The following GRAMD2B variants were observed in gnomAD, a reference collection of about 807,000 sequenced individuals.
GRAMD2B encodes the protein GRAM domain-containing protein 2B.
GRAMD2B carries 41 observed loss-of-function variants against 59.2 expected under a neutral mutation model. The observed-to-expected ratio is 0.69, with a 90% CI of 0.54 to 0.90. GRAMD2B has a LOEUF of 0.90. Among genes scored for constraint, GRAMD2B ranks in the 40% least tolerant of loss-of-function variants. GRAMD2B has a pLI of 0.00. For synonymous variants in GRAMD2B, 161 were observed against 182.7 expected (o/e 0.88, Z 0.96); for missense variants, 424 against 500.5 (o/e 0.85, Z 1.46).
chr5:126,367,842 T>G (rs1265691029), upstream of GRAMD2B, among the ~76,000 whole-genome samples: 2 of 152,134 alleles, frequency 1.3e-5, no homozygotes, highest in Non-Finnish European at 2.9e-5. Context: ...AGCTCCACCT[T>G]CCCGGTTCAC....
intron 5 of GRAMD2B, 43 bp from the exon 6 acceptor site, chr5:126,477,649 C>A: frequency 9.8e-7 from 1 of 1,024,350 alleles, no homozygotes; most frequent in South Asian, 1.3e-5. Flanking sequence ...AAGTGCTGTT[C>A]TGTCAAGTCT....
chr5:126,464,582 C>T (rs1461294268), intron 1 of GRAMD2B, among the ~76,000 whole-genome samples: 2 of 152,188 alleles, frequency 1.3e-5, no homozygotes, highest in African/African-American at 4.8e-5. Flanking sequence ...ACCTTCCCCT[C>T]TACTCCCTTC....
intron 1 of GRAMD2B, chr5:126,433,935 G>C (rs1419973309): frequency 1.3e-5 from 2 of 152,172 alleles, no homozygotes; most frequent in African/African-American, 4.8e-5. Context: ...GCCAATTCTT[G>C]GAATAGTCAT....
chr5:126,455,811 A>G (rs1012544800), intron 1 of GRAMD2B, among the ~76,000 whole-genome samples: 3 of 152,258 alleles, frequency 2.0e-5, no homozygotes, highest in African/African-American at 7.2e-5. Context: ...CCCATACACA[A>G]GGGTGTCATG....
At chr5:126,467,032 G>A (rs1319092683) in intron 2 of GRAMD2B, among the ~76,000 whole-genome samples, 1 of 152,154 alleles carries the variant, frequency 6.6e-6, no homozygotes, top group South Asian at 2.1e-4. Context: ...GCTCACACCT[G>A]TAATCCTAGC....
intron 1 of GRAMD2B, among the ~76,000 whole-genome samples, chr5:126,440,812 GA>G: frequency 6.6e-6 from 1 of 152,092 alleles, no homozygotes; most frequent in Admixed American, 6.5e-5. Flanking sequence ...TTAGATTAAT[GA>G]ACTACACATT....
chr5:126,370,471 A>AAGAGTAG (rs1194707159), upstream of GRAMD2B, among the ~76,000 whole-genome samples: 1 of 152,220 alleles, frequency 6.6e-6, no homozygotes, highest in Non-Finnish European at 1.5e-5. Context: ...CTACTGTGGA[A>AAGAGTAG]CAAATCTTTC....
chr5:126,422,106 C>G (rs1399165250), upstream of GRAMD2B, among the ~76,000 whole-genome samples: 1 of 152,132 alleles, frequency 6.6e-6, no homozygotes, highest in African/African-American at 2.4e-5. Context: ...AATGTTTATA[C>G]AAGCTTGCCC....
chr5:126,407,006 T>A (rs772556454), intron 1 of GRAMD2B, among the ~76,000 whole-genome samples: 2 of 152,076 alleles, frequency 1.3e-5, no homozygotes, highest in Non-Finnish European at 2.9e-5. Context: ...GAAATGCTTC[T>A]GATTTGACAT....
chr5:126,425,128 A>G (rs939968638), intron 1 of GRAMD2B, among the ~76,000 whole-genome samples: 1 of 152,208 alleles, frequency 6.6e-6, no homozygotes, highest in Non-Finnish European at 1.5e-5. Flanking sequence ...TTATAGCCAA[A>G]CAATCATACT....
Position 126,388,262 on chromosome 5 carries a change from G to T in GRAMD2B, c.125+16695G>T, listed in dbSNP as rs181163264. Among the ~76,000 whole-genome samples, 736 of 152,132 alleles carry T rather than the reference G, an allele frequency of 4.8e-3. 1 individual carries two copies. The highest frequency in any genetic ancestry group is 7.2e-3 in the Non-Finnish European group (489 of 67,976). On this transcript the variant is annotated intron_variant, in intron 1 of 8. Transcript: ENST00000506445. ...GTGGCTCCTGCCTGTGGTCCCAGCT[G>T]CTTAGGGAGTTGAGGCAGGAGTATC...
rs1340215598 is a variant in GRAMD2B at position 126,360,519 on chromosome 5, T to C, written c.128+60T>C. On this transcript the variant is annotated intron_variant, in intron 1 of 13. Coordinates refer to the GRAMD2B transcript ENST00000513040. ...TGGGAGTGGAGTGTGGCTTCTGTGG[T>C]TTAAAAGGCCTTTTTGGTATCTTAA... is the stretch of plus-strand genomic sequence containing the variant. 2.0e-6 allele frequency: 3 copies of C among 1,502,110 alleles called. No homozygotes were observed. The South Asian group carries it at 3.8e-5, about 19-fold the overall frequency. The allele number at this position is 1,502,110 out of a possible 1,614,324, so 93.0% of individuals were successfully genotyped here.
intron 1 of GRAMD2B, among the ~76,000 whole-genome samples, chr5:126,400,189 G>T (rs535263745): frequency 3.0e-4 from 46 of 151,870 alleles, no homozygotes; most frequent in African/African-American, 1.1e-3. Context: ...TCATGCAAAT[G>T]ATAACCAAAA....
At chr5:126,396,645 G>C (rs1440165609) in intron 1 of GRAMD2B, among the ~76,000 whole-genome samples, 1 of 152,176 alleles carries the variant, frequency 6.6e-6, no homozygotes, top group African/African-American at 2.4e-5. Context: ...ACATACATGT[G>C]CATGTATCTT....
chr5:126,366,133 T>C (rs1754426917), intron 1 of GRAMD2B, among the ~76,000 whole-genome samples: 1 of 152,134 alleles, frequency 6.6e-6, no homozygotes, highest in South Asian at 2.1e-4. Context: ...TCTCAAAGGG[T>C]TCACAACTTT....
At chr5:126,371,426 G>A (rs940659099) in exon 1 of GRAMD2B, 62 of 1,276,338 alleles carry the variant, frequency 4.9e-5, no homozygotes, top group Non-Finnish European at 6.1e-5. Context: ...CTTGACTTGC[G>A]GGTCAATAAG....
chr5:126,483,114 C>T (rs551658512), intron 8 of GRAMD2B, among the ~76,000 whole-genome samples: 1 of 151,906 alleles, frequency 6.6e-6, no homozygotes, highest in Non-Finnish European at 1.5e-5. Flanking sequence ...ATTTTTTTCT[C>T]TTATATATGT....
At chr5:126,395,675 A>C (rs1331740185) in intron 1 of GRAMD2B, among the ~76,000 whole-genome samples, 1 of 152,204 alleles carries the variant, frequency 6.6e-6, no homozygotes, top group Non-Finnish European at 1.5e-5. Flanking sequence ...TTTAAAAGAG[A>C]AAAAGAACAA....
At chr5:126,381,463 T>G (rs1755649399) in intron 1 of GRAMD2B, among the ~76,000 whole-genome samples, 1 of 152,140 alleles carries the variant, frequency 6.6e-6, no homozygotes, top group African/African-American at 2.4e-5. Context: ...CTATTTTAAC[T>G]GTTGTTGCTT....
Sources: gnomAD v4.1 joint callset for allele counts (sites outside exome capture counted in the v4.1 genomes callset) on GRCh38, gnomAD v4.1.1 for gene constraint, MANE v1.5 for transcripts, NCBI Gene and HGNC (gene_info 2026-07-23, HGNC 2026-07-21) for gene names.